The following GANC variants were observed in gnomAD, a reference collection of about 807,000 sequenced individuals.
The protein encoded by GANC is neutral alpha-glucosidase C.
In GANC, 117 loss-of-function variants were observed where a neutral mutation model predicts 124.2. The ratio of observed to expected loss-of-function variants is 0.94; its 90% CI spans 0.81 to 1.10. The LOEUF (loss-of-function observed/expected upper bound fraction) is 1.10. Among genes scored for constraint, GANC ranks in the 50% least tolerant of loss-of-function variants. GANC has a pLI of 0.00. For missense variants in GANC, 1,140 were observed against 1,095.0 expected (o/e 1.04, Z -0.58); for synonymous variants, 377 against 376.8 (o/e 1.00, Z -0.01).
chr15:42,275,063 C>T (rs1184650482), intron 1 of GANC, among the ~76,000 whole-genome samples: 2 of 152,044 alleles, frequency 1.3e-5, no homozygotes, highest in Non-Finnish European at 2.9e-5. Context: ...ACAAAAGATT[C>T]TCCAATCTTT....
chr15:42,310,757 A>G lies in GANC; in HGVS notation c.968A>G (p.His323Arg), dbSNP rs987461905. 12 of 1,614,056 alleles carry G rather than the reference A, an allele frequency of 7.4e-6. No individual in the cohort carries two copies. Among genetic ancestry groups the G allele is most frequent in the South Asian group, 4.4e-5 (4 of 91,090 alleles). The change falls in exon 10 of 24, where the codon CAC becomes CGC. Residue 323 changes from histidine (H) to arginine (R), a missense_variant. Transcript: ENST00000318010. The part of the protein sequence containing the change: ...KQKVRSRTHV[H>R]WMSESGIIDV... The stretch of plus-strand genomic sequence containing the variant: ...AAGGTCAGATCTCGCACTCATGTGC[A>G]CTGGATGTCAGAGAGTGGCATCATT...
At chr15:42,335,070 C>T (rs901088307) in intron 15 of GANC, among the ~76,000 whole-genome samples, 4 of 152,160 alleles carry the variant, frequency 2.6e-5, no homozygotes, top group African/African-American at 9.7e-5. Context: ...TCTACTGACA[C>T]TATTTCAAAA....
At chr15:42,290,763 G>A (rs942117584) in intron 4 of GANC, among the ~76,000 whole-genome samples, 5 of 152,108 alleles carry the variant, frequency 3.3e-5, no homozygotes, top group South Asian at 2.1e-4. Flanking sequence ...AACTATGATC[G>A]CACCACTGCA....
chr15:42,322,159 C>A, intron 11 of GANC, 139 bp downstream of exon 11: 1 of 702,114 alleles, frequency 1.4e-6, no homozygotes, highest in Non-Finnish European at 2.4e-6. Flanking sequence ...ATAATTGTCA[C>A]TGTGATAAGA....
At chr15:42,308,197 A>G (rs937888478) in intron 7 of GANC, 25 bp from the exon 8 acceptor site, 2 of 1,459,490 alleles carry the variant, frequency 1.4e-6, no homozygotes, top group African/African-American at 2.8e-5. Context: ...TTCAGAAACA[A>G]AACTCAGTAT....
intron 8 of GANC, among the ~76,000 whole-genome samples, chr15:42,309,718 T>A (rs2052033002): frequency 6.6e-6 from 1 of 151,918 alleles, no homozygotes; most frequent in African/African-American, 2.4e-5. Context: ...GAGAGAGTCC[T>A]CCACTCAAAG....
intron 10 of GANC, among the ~76,000 whole-genome samples, chr15:42,319,309 A>G (rs1161323198): frequency 2.0e-5 from 3 of 151,438 alleles, no homozygotes; most frequent in Non-Finnish European, 4.4e-5. Flanking sequence ...CTCATGATCA[A>G]TGCTGCTCTG....
intron 5 of GANC, among the ~76,000 whole-genome samples, chr15:42,293,182 A>G (rs763691628): frequency 1.3e-5 from 2 of 152,328 alleles, no homozygotes; most frequent in Middle Eastern, 3.4e-3. Flanking sequence ...ACCCTTCTAT[A>G]AAAGCACTCT....
At chr15:42,306,505 C>G (rs749957880) in intron 6 of GANC, 41 bp from the exon 7 acceptor site, 9 of 1,496,988 alleles carry the variant, frequency 6.0e-6, no homozygotes, top group Non-Finnish European at 8.3e-6. Context: ...ACATTTGTTG[C>G]AATTTGTAAA....
intron 4 of GANC, among the ~76,000 whole-genome samples, chr15:42,291,833 G>C (rs1486740317): frequency 6.6e-6 from 1 of 152,076 alleles, no homozygotes; most frequent in Non-Finnish European, 1.5e-5. Context: ...CTACTTAATG[G>C]AATCATCAAA....
intron 5 of GANC, among the ~76,000 whole-genome samples, chr15:42,297,329 A>G (rs532803352): frequency 2.1e-4 from 32 of 152,262 alleles, no homozygotes; most frequent in Admixed American, 4.6e-4. Flanking sequence ...TCATTTTTAA[A>G]TTGTTTTTTA....
Position 42,273,512 on chromosome 15 carries a change from G to C in GANC, c.-970G>C, listed in dbSNP as rs1014390854. 4 of 1,507,368 alleles carry C rather than the reference G, an allele frequency of 2.7e-6. No individual in the cohort carries two copies. Among genetic ancestry groups the C allele is most frequent in the Non-Finnish European group, 3.5e-6 (4 of 1,128,346 alleles). 93.4% of individuals were successfully genotyped at this position (1,507,368 alleles called of 1,614,324 possible). A position where few individuals can be genotyped will look rare whatever the true frequency, so the allele number is the denominator to read the frequency against. On this transcript the variant is annotated 5_prime_UTR_variant, in exon 1 of 24. Coordinates refer to ENST00000318010, the MANE Select transcript of GANC (RefSeq NM_198141.3). ...ATCCGGGTCCTGGAAACGTCGCGGA[G>C]CTTGTTTGCTGTGCGGCGTAGCGGC...
intron 6 of GANC, among the ~76,000 whole-genome samples, chr15:42,303,822 G>T (rs1426822459): frequency 2.6e-5 from 4 of 152,092 alleles, no homozygotes; most frequent in African/African-American, 9.7e-5. Flanking sequence ...AAATATATAT[G>T]CACCCAATAC....
chr15:42,306,876 C>G (rs1432657721), intron 7 of GANC, among the ~76,000 whole-genome samples: 1 of 152,176 alleles, frequency 6.6e-6, no homozygotes, highest in African/African-American at 2.4e-5. Context: ...ACACTGCTTG[C>G]ACTGTTCATC....
In GANC at chr15:42,306,552, CAAG is replaced by C. The variant is rs761719912; in HGVS notation, c.570_572del (p.Glu190del). The C allele has an allele frequency of 1.9e-6, 3 of 1,610,038 alleles. No individual in the cohort carries two copies. Among genetic ancestry groups the C allele is most frequent in the South Asian group, 2.2e-5 (2 of 90,426 alleles). ...CCCTTTTTTGTACCAACAGGAAAAT[CAAG>C]AAGATCTGGGCCTGTGGGAAGAGAA... On this transcript the variant is annotated inframe_deletion, in exon 7 of 24. Coordinates refer to ENST00000318010, the MANE Select transcript of GANC (RefSeq NM_198141.3).
chr15:42,313,793 C>T, intron 10 of GANC: 1 of 452,566 alleles, frequency 2.2e-6, no homozygotes, highest in Non-Finnish European at 4.0e-6. Context: ...ATGGGCTGGG[C>T]ACAGTGGCTC....
chr15:42,284,102 A>C (rs1028964044), intron 3 of GANC: 2 of 652,640 alleles, frequency 3.1e-6, no homozygotes, highest in South Asian at 3.5e-5. Context: ...AGTTCTTTAC[A>C]TAACAGTGAA....
intron 7 of GANC, 102 bp from the exon 8 acceptor site, chr15:42,308,120 C>G (rs962744580): frequency 1.1e-5 from 7 of 659,116 alleles, no homozygotes; most frequent in Non-Finnish European, 1.6e-5. Context: ...GCCCAGGTCT[C>G]TCAGCCTTTA....
intron 7 of GANC, 30 bp from the exon 8 acceptor site, chr15:42,308,192 A>G: frequency 7.0e-7 from 1 of 1,426,052 alleles, no homozygotes; most frequent in Non-Finnish European, 9.8e-7. Flanking sequence ...TTCTTTTCAG[A>G]AACAAAACTC....
Sources: allele counts gnomAD v4.1 joint callset (sites outside exome capture counted in the v4.1 genomes callset), GRCh38; gene constraint gnomAD v4.1.1; transcripts MANE v1.5; gene names NCBI Gene and HGNC (gene_info 2026-07-23, HGNC 2026-07-21).